The following GALNT13 variants were observed in gnomAD, a reference collection of about 807,000 sequenced individuals.
The protein encoded by GALNT13 is polypeptide N-acetylgalactosaminyltransferase 13.
GALNT13 carries 28 observed loss-of-function variants against 64.2 expected under a neutral mutation model. The observed-to-expected ratio is 0.44, with a 90% CI of 0.32 to 0.60. The LOEUF (loss-of-function observed/expected upper bound fraction) is 0.60, where lower values mean the gene tolerates loss of function less well. Among genes scored for constraint, GALNT13 ranks in the 20% least tolerant of loss-of-function variants. The pLI is 0.05. For missense variants in GALNT13, 577 were observed against 669.8 expected (o/e 0.86, Z 1.53); for synonymous variants, 214 against 224.6 (o/e 0.95, Z 0.42).
At chr2:153,905,204 T>C (rs886128427) in intron 2 of GALNT13, among the ~76,000 whole-genome samples, 3 of 151,958 alleles carry the variant, frequency 2.0e-5, no homozygotes, top group Non-Finnish European at 4.4e-5. Context: ...TTGCATTCAA[T>C]CTATTGTTAA....
At chr2:153,414,577 TCAAAATGAAA>T in the GALNT13 span, among the ~76,000 whole-genome samples, 1 of 151,840 alleles carries the variant, frequency 6.6e-6, no homozygotes, top group African/African-American at 2.4e-5. Flanking sequence ...TACACGTCAT[TCAAAATGAAA>T]ACTATCATTA....
At chr2:153,899,427 C>A (rs1027026419) in intron 1 of GALNT13, among the ~76,000 whole-genome samples, 1 of 152,060 alleles carries the variant, frequency 6.6e-6, no homozygotes, top group Non-Finnish European at 1.5e-5. Flanking sequence ...GAATATATAT[C>A]TTTTATTATG....
At chr2:154,356,107 T>G (rs1489886308) in intron 9 of GALNT13, among the ~76,000 whole-genome samples, 2 of 152,082 alleles carry the variant, frequency 1.3e-5, no homozygotes, top group Non-Finnish European at 2.9e-5. Context: ...ATTCTATTGG[T>G]GAGATAAACT....
At chr2:154,153,362 C>A (rs1368081119) in intron 4 of GALNT13, among the ~76,000 whole-genome samples, 3 of 152,180 alleles carry the variant, frequency 2.0e-5, no homozygotes, top group Admixed American at 2.0e-4. Flanking sequence ...CCCAGTTAGG[C>A]TGCTCGGGGG....
the GALNT13 span, among the ~76,000 whole-genome samples, chr2:153,843,797 T>C: frequency 6.6e-6 from 1 of 152,170 alleles, no homozygotes; most frequent in Non-Finnish European, 1.5e-5. Flanking sequence ...AGAGAAGGGT[T>C]ACAGGCCCCA....
intron 3 of GALNT13, among the ~76,000 whole-genome samples, chr2:154,121,758 A>G (rs1472166899): frequency 6.6e-6 from 1 of 151,868 alleles, no homozygotes; most frequent in Non-Finnish European, 1.5e-5. Flanking sequence ...TATTGTAGAT[A>G]CATTGTGATT....
chr2:154,225,282 A>T (rs1173140862), intron 4 of GALNT13, among the ~76,000 whole-genome samples: 1 of 152,250 alleles, frequency 6.6e-6, no homozygotes, highest in East Asian at 1.9e-4. Context: ...AATGCAAGTT[A>T]AAACTGTACT....
At chr2:153,113,224 A>G in the GALNT13 span, among the ~76,000 whole-genome samples, 1 of 151,948 alleles carries the variant, frequency 6.6e-6, no homozygotes, top group Non-Finnish European at 1.5e-5. Flanking sequence ...CCCCATTATT[A>G]CCTGAGTGTA....
chr2:153,907,737 T>A (rs551633748), intron 2 of GALNT13, among the ~76,000 whole-genome samples: 1 of 152,114 alleles, frequency 6.6e-6, no homozygotes, highest in East Asian at 1.9e-4. Flanking sequence ...TATGATCTAA[T>A]TTTTTTGTGT....
chr2:153,515,973 A>G, the GALNT13 span, among the ~76,000 whole-genome samples: 1 of 152,142 alleles, frequency 6.6e-6, no homozygotes, highest in Non-Finnish European at 1.5e-5. Flanking sequence ...CAGCAACTGA[A>G]TGTTTAAATT....
chr2:153,327,776 C>A, the GALNT13 span, among the ~76,000 whole-genome samples: 1 of 151,958 alleles, frequency 6.6e-6, no homozygotes, highest in Non-Finnish European at 1.5e-5. Context: ...TATTACCCAC[C>A]TTCTGAAGCC....
the GALNT13 span, among the ~76,000 whole-genome samples, chr2:153,577,820 GAATAA>G: frequency 1.3e-5 from 2 of 150,298 alleles, no homozygotes; most frequent in Non-Finnish European, 3.0e-5. Flanking sequence ...TTCTATATAT[GAATAA>G]AATATTTTAA....
chr2:153,703,440 T>G, the GALNT13 span, among the ~76,000 whole-genome samples: 1 of 152,168 alleles, frequency 6.6e-6, no homozygotes, highest in Non-Finnish European at 1.5e-5. Flanking sequence ...CTTATGTAAA[T>G]TTTTCTTCTA....
At chr2:154,278,444 A>G (rs974166592) in intron 8 of GALNT13, among the ~76,000 whole-genome samples, 1 of 152,168 alleles carries the variant, frequency 6.6e-6, no homozygotes, top group Non-Finnish European at 1.5e-5. Context: ...AGCAGTTGGA[A>G]ATGTGTTGCA....
the GALNT13 span, among the ~76,000 whole-genome samples, chr2:153,395,392 TC>T: frequency 3.3e-5 from 5 of 152,096 alleles, no homozygotes; most frequent in Non-Finnish European, 5.9e-5. Flanking sequence ...ACATGACGTT[TC>T]TAATCTAGCT....
intron 3 of GALNT13, among the ~76,000 whole-genome samples, chr2:154,093,470 G>A (rs542653019): frequency 3.3e-5 from 5 of 151,960 alleles, no homozygotes; most frequent in East Asian, 1.9e-4. Flanking sequence ...AAAATGAATC[G>A]AGCATAGTTG....
chr2:153,606,341 T>C, the GALNT13 span, among the ~76,000 whole-genome samples: 1 of 152,040 alleles, frequency 6.6e-6, no homozygotes, highest in African/African-American at 2.4e-5. Context: ...ACTAGAAACA[T>C]AGACTTCATG....
At chr2:153,078,698 A>G in the GALNT13 span, among the ~76,000 whole-genome samples, 1 of 151,754 alleles carries the variant, frequency 6.6e-6, no homozygotes, top group African/African-American at 2.4e-5. Flanking sequence ...AATTTTTTTT[A>G]CTTGTTTCTG....
At chr2:153,321,583 G>T in the GALNT13 span, among the ~76,000 whole-genome samples, 10 of 152,082 alleles carry the variant, frequency 6.6e-5, no homozygotes, top group South Asian at 2.1e-3. Flanking sequence ...TGTTTCTTAA[G>T]AACATCTAGA....
Sources: gnomAD v4.1 joint callset for allele counts (sites outside exome capture counted in the v4.1 genomes callset) on GRCh38, gnomAD v4.1.1 for gene constraint, MANE v1.5 for transcripts, NCBI Gene and HGNC (gene_info 2026-07-23, HGNC 2026-07-21) for gene names.